The following BRF1 variants were observed in gnomAD, a reference collection of about 807,000 sequenced individuals.
BRF1 encodes the protein transcription factor IIIB 90 kDa subunit.
Under a neutral mutation model 81.7 loss-of-function variants are expected in BRF1, and 59 were observed. The ratio of observed to expected loss-of-function variants is 0.72; its 90% CI spans 0.59 to 0.90. The LOEUF is 0.90. Among genes scored for constraint, BRF1 ranks in the 40% least tolerant of loss-of-function variants. The probability of loss-of-function intolerance (pLI) is 0.00; values close to 1 mark genes in which losing one functional copy is unlikely to be tolerated. For missense variants in BRF1, 1,050 were observed against 936.3 expected, an observed-to-expected ratio of 1.12 and a Z score of -1.58; for synonymous variants, 491 against 395.6, an observed-to-expected ratio of 1.24 and a Z score of -2.86.
Position 105,210,609 on chromosome 14 carries a change from G to A in BRF1, c.1997-21C>T, listed in dbSNP as rs1324454237. 1.2e-6 allele frequency: 2 copies of A among 1,610,460 alleles called. No homozygotes were observed. The highest frequency in any genetic ancestry group is 1.3e-5 in the African/African-American group (1 of 74,898). On this transcript the variant is annotated intron_variant, in intron 17 of 17. Coordinates refer to ENST00000547530, the MANE Select transcript of BRF1 (RefSeq NM_001519.4). The surrounding 1 kb of genome is among the most constrained non-coding windows in gnomAD (Gnocchi z 4.7). ...ATAGTCTGCAGAAGAGCACAGTCAT[G>A]AAGCCCAGGGTCTCTGTGGGACCCA...
chr14:105,247,946 G>A (rs2055236962), intron 5 of BRF1: 2 of 985,470 alleles, frequency 2.0e-6, no homozygotes, highest in East Asian at 1.1e-4. Context: ...GCGAGCCTGC[G>A]ACTGCGATCC....
chr14:105,263,736 TAACACGGCGA>T (rs1249376670), intron 3 of BRF1, among the ~76,000 whole-genome samples: 1 of 151,998 alleles, frequency 6.6e-6, no homozygotes, highest in Non-Finnish European at 1.5e-5. Flanking sequence ...CCATCCTGGC[TAACACGGCGA>T]AACCCTGTCT....
At position 105,209,726 on chromosome 14, in the gene BRF1, G is replaced by A. The variant is rs965090635; in HGVS notation, c.*825C>T. ...TGTCCACGGGGAACTCCCAGCGCCA[G>A]GACACTATGCAGGCTATGCCCGCAC... On this transcript the variant is annotated 3_prime_UTR_variant, in exon 18 of 18. Coordinates refer to ENST00000547530, the MANE Select transcript of BRF1 (RefSeq NM_001519.4). The A allele has an allele frequency of 1.6e-6, 1 of 614,264 alleles. No individual in the cohort carries two copies. The highest frequency in any genetic ancestry group is 2.9e-6 in the Non-Finnish European group (1 of 341,346). 38.1% of individuals were successfully genotyped at this position (614,264 alleles called of 1,614,324 possible).
At chr14:105,272,536 C>A (rs587632084) in intron 3 of BRF1, among the ~76,000 whole-genome samples, 185 bp downstream of exon 3, 1 of 152,348 alleles carries the variant, frequency 6.6e-6, no homozygotes, top group Admixed American at 6.5e-5. Context: ...CCCAGTTCTT[C>A]GATCCAGTAA....
At chr14:105,314,941 G>A in intron 1 of BRF1, 1 of 1,156,014 alleles carries the variant, frequency 8.7e-7, no homozygotes, top group Non-Finnish European at 1.1e-6. Flanking sequence ...GGCCGCCTCG[G>A]CCTCCCCGGC....
rs374509029 is a variant in BRF1, at chr14:105,271,451, T to C, written c.439+1270A>G. 2.2e-3 allele frequency among the ~76,000 whole-genome samples: 332 copies of C among 152,244 alleles called. No individual in the cohort carries two copies. Among genetic ancestry groups the C allele is most frequent in the Admixed American group, 3.7e-3 (57 of 15,296 alleles). On this transcript the variant is annotated intron_variant, in intron 3 of 17. Coordinates refer to ENST00000547530, the MANE Select transcript of BRF1 (RefSeq NM_001519.4). The surrounding 1 kb of genome is among the most constrained non-coding windows in gnomAD (Gnocchi z 5.5). ...GGGCGCAGGCTGGGAGGCAGACATG[T>C]GGCCGGGCACGCCACGCCCACCAGA...
intron 6 of BRF1, among the ~76,000 whole-genome samples, chr14:105,229,637 TGGGGGCG>T (rs2054405538): frequency 6.6e-6 from 1 of 151,020 alleles, no homozygotes; most frequent in African/African-American, 2.4e-5. Flanking sequence ...GTCGCCCAGC[TGGGGGCG>T]GGGGACAGCC....
At chr14:105,229,332 C>G (rs1459198380) in intron 6 of BRF1, among the ~76,000 whole-genome samples, 2 of 152,162 alleles carry the variant, frequency 1.3e-5, no homozygotes, top group African/African-American at 4.8e-5. Context: ...CACAGTGGGC[C>G]CAGAACCTCC....
At chr14:105,295,141 T>C (rs376866211) in intron 1 of BRF1, among the ~76,000 whole-genome samples, 5 of 151,688 alleles carry the variant, frequency 3.3e-5, no homozygotes, top group African/African-American at 9.7e-5. Context: ...TACAGGCCAA[T>C]ATCCCACGCA....
chr14:105,294,190 G>A lies in BRF1; in HGVS notation c.184+6256C>T, dbSNP rs144609620. 1.4e-3 allele frequency among the ~76,000 whole-genome samples: 206 copies of A among 152,262 alleles called. 1 individual carries two copies. Among genetic ancestry groups the A allele is most frequent in the African/African-American group, 3.5e-3 (147 of 41,558 alleles). ...TCTCGGCCCAGGCACCACCTGCGCCGGTCCCCAGGGGCTAAGAACCCGCCG... is the reference window on the plus strand; with the variant it reads ...TCTCGGCCCAGGCACCACCTGCGCCAGTCCCCAGGGGCTAAGAACCCGCCG... On this transcript the variant is annotated intron_variant, in intron 1 of 17. Coordinates refer to ENST00000547530, the MANE Select transcript of BRF1 (RefSeq NM_001519.4).
chr14:105,293,312 G>A (rs373764541), intron 1 of BRF1, among the ~76,000 whole-genome samples: 6 of 152,262 alleles, frequency 3.9e-5, no homozygotes, highest in Non-Finnish European at 7.4e-5. Context: ...AATTAGGTCC[G>A]GCTGCATCGT....
At chr14:105,241,150 G>C (rs1418884613) in intron 6 of BRF1, 115 bp downstream of exon 6, 2 of 1,491,148 alleles carry the variant, frequency 1.3e-6, no homozygotes, top group East Asian at 4.6e-5. Context: ...GGAGGCTGGA[G>C]GCAGCTCTCA....
intron 1 of BRF1, among the ~76,000 whole-genome samples, chr14:105,307,847 C>T (rs1566885311): frequency 6.6e-6 from 1 of 152,234 alleles, no homozygotes; most frequent in African/African-American, 2.4e-5. Flanking sequence ...CTCCGCAACT[C>T]GAGTGAGACT....
intron 8 of BRF1, 81 bp downstream of exon 8, chr14:105,226,553 T>C: frequency 2.5e-6 from 4 of 1,593,962 alleles, no homozygotes; most frequent in South Asian, 1.1e-5. Context: ...GCACCAGCTC[T>C]GCTACAACCC....
chr14:105,263,514 C>T (rs587721586), intron 3 of BRF1, among the ~76,000 whole-genome samples: 3 of 152,246 alleles, frequency 2.0e-5, no homozygotes, highest in South Asian at 2.1e-4. Flanking sequence ...TCTGCAGTCC[C>T]GAGGTGCCAG....
At chr14:105,246,364 G>A (rs1395405556) in intron 5 of BRF1, among the ~76,000 whole-genome samples, 1 of 151,948 alleles carries the variant, frequency 6.6e-6, no homozygotes, top group Non-Finnish European at 1.5e-5. Flanking sequence ...ATGTCCATTA[G>A]GATGACCATT....
chr14:105,228,727 T>C, intron 7 of BRF1, 93 bp downstream of exon 7: 3 of 1,409,178 alleles, frequency 2.1e-6, no homozygotes, highest in African/African-American at 1.4e-5. Flanking sequence ...GACGGCAGGG[T>C]CCCGGGAGGT....
chr14:105,228,790 G>T (rs1348974725), intron 7 of BRF1, 30 bp downstream of exon 7: 12 of 1,611,636 alleles, frequency 7.4e-6, no homozygotes, highest in African/African-American at 2.7e-5. Flanking sequence ...CCTCTGTGTG[G>T]TCCCCATGCC....
chr14:105,226,427 G>A, intron 8 of BRF1, 137 bp from the exon 9 acceptor site: 3 of 1,449,758 alleles, frequency 2.1e-6, no homozygotes, highest in Non-Finnish European at 9.5e-7. Flanking sequence ...GGAGCTATGG[G>A]CCTGTGTCCC....
Sources: gnomAD v4.1 joint callset for allele counts (sites outside exome capture counted in the v4.1 genomes callset) on GRCh38, gnomAD v4.1.1 for gene constraint, Gnocchi (gnomAD v3.1) non-coding constraint, MANE v1.5 for transcripts, NCBI Gene and HGNC (gene_info 2026-07-23, HGNC 2026-07-21) for gene names.